Variants in HS1BP3 observed in about 807,000 individuals in gnomAD.
HS1BP3 encodes the protein HCLS1-binding protein 3.
HS1BP3 carries 32 observed loss-of-function variants against 33.5 expected under a neutral mutation model. The ratio of observed to expected loss-of-function variants is 0.95; its 90% CI spans 0.72 to 1.28. The LOEUF (loss-of-function observed/expected upper bound fraction) is 1.28. Ranked by LOEUF, HS1BP3 falls within the 50% of genes most tolerant of loss-of-function variation. The pLI, the probability that HS1BP3 is intolerant of heterozygous loss-of-function variation, is 0.00. For synonymous variants in HS1BP3, 187 were observed against 209.2 expected (o/e 0.89, Z 0.92); for missense variants, 486 against 502.3 (o/e 0.97, Z 0.31).
At chr2:20,615,864 G>A (rs1694412843), downstream of HS1BP3, among the ~76,000 whole-genome samples, 1 of 152,204 alleles carries the variant, frequency 6.6e-6, no homozygotes. Flanking sequence ...GGCACATGGA[G>A]GTGAACTTAG....
intron 4 of HS1BP3, among the ~76,000 whole-genome samples, chr2:20,629,015 C>T (rs59961647): frequency 0.01 from 1,587 of 152,194 alleles, 39 homozygotes; most frequent in African/African-American, 0.037. Context: ...AGGAGAGCAG[C>T]GGTGGTGCGA....
At chr2:20,646,301 A>G (rs779419843) in intron 1 of HS1BP3, among the ~76,000 whole-genome samples, 2 of 152,134 alleles carry the variant, frequency 1.3e-5, no homozygotes, top group African/African-American at 2.4e-5. Flanking sequence ...AGCAGCTCTG[A>G]CCATCGAGGT....
At chr2:20,599,084 G>A (rs917448864) in intron 2 of HS1BP3, among the ~76,000 whole-genome samples, 3 of 152,232 alleles carry the variant, frequency 2.0e-5, no homozygotes, top group African/African-American at 7.2e-5. Flanking sequence ...CCGCCCCTGG[G>A]GGCCTGTAGC....
At chr2:20,637,267 G>A (rs915120361) in intron 4 of HS1BP3, 1 of 152,266 alleles carries the variant, frequency 6.6e-6, no homozygotes, top group Non-Finnish European at 1.5e-5. Flanking sequence ...CAGAGAATGT[G>A]AGTTCAAACA....
intron 2 of HS1BP3, among the ~76,000 whole-genome samples, chr2:20,602,846 C>T (rs149152424): frequency 9.2e-5 from 14 of 152,220 alleles, no homozygotes; most frequent in African/African-American, 2.2e-4. Flanking sequence ...TAAGGTTTAT[C>T]GGGAATACAT....
chr2:20,621,344 G>T (rs752490699), intron 6 of HS1BP3, among the ~76,000 whole-genome samples: 9 of 152,264 alleles, frequency 5.9e-5, no homozygotes, highest in Non-Finnish European at 8.8e-5. Context: ...CCCAGAGAGA[G>T]AATTCAGAGT....
chr2:20,627,075 C>T (rs1694808461), intron 4 of HS1BP3, among the ~76,000 whole-genome samples: 1 of 152,248 alleles, frequency 6.6e-6, no homozygotes, highest in African/African-American at 2.4e-5. Context: ...GCCAGGCTCG[C>T]AGCCACTGTT....
At chr2:20,570,722 G>A (rs1693246086) in intron 5 of HS1BP3, among the ~76,000 whole-genome samples, 1 of 152,236 alleles carries the variant, frequency 6.6e-6, no homozygotes, top group Admixed American at 6.5e-5. Context: ...TGCTAGGGGA[G>A]GAGGAGAAGA....
intron 3 of HS1BP3, chr2:20,640,629 T>G: frequency 4.0e-6 from 2 of 497,368 alleles, no homozygotes; most frequent in Non-Finnish European, 3.6e-6. Flanking sequence ...GAGGGGAGTG[T>G]GGGGTGTGTG....
At chr2:20,594,089 G>A (rs113674491) in intron 3 of HS1BP3, among the ~76,000 whole-genome samples, 8,687 of 152,310 alleles carry the variant, frequency 0.057, 228 homozygotes, top group South Asian at 0.072. Flanking sequence ...ACCCATCGGG[G>A]ATGGCTACAA....
chr2:20,643,087 G>C (rs550959222), intron 2 of HS1BP3, among the ~76,000 whole-genome samples: 2 of 152,206 alleles, frequency 1.3e-5, no homozygotes, highest in Admixed American at 6.5e-5. Context: ...GAGACTTCAG[G>C]CTTGGGGGTA....
At chr2:20,591,445 G>A (rs965092222), downstream of HS1BP3, among the ~76,000 whole-genome samples, 4 of 152,154 alleles carry the variant, frequency 2.6e-5, no homozygotes, top group Non-Finnish European at 4.4e-5. Context: ...ACAAGCACTC[G>A]GATTCTGGGA....
At chr2:20,588,459 G>A (rs1693733725), downstream of HS1BP3, among the ~76,000 whole-genome samples, 2 of 152,130 alleles carry the variant, frequency 1.3e-5, no homozygotes, top group Non-Finnish European at 2.9e-5. Flanking sequence ...TGGATTACGG[G>A]CACCAGCCAC....
At chr2:20,570,214 C>T (rs1693233559) in intron 5 of HS1BP3, among the ~76,000 whole-genome samples, 1 of 152,202 alleles carries the variant, frequency 6.6e-6, no homozygotes, top group African/African-American at 2.4e-5. Flanking sequence ...GGCTGGGACA[C>T]CAGAATATGG....
At chr2:20,641,787 A>C (rs1695358328) in intron 2 of HS1BP3, among the ~76,000 whole-genome samples, 1 of 152,230 alleles carries the variant, frequency 6.6e-6, no homozygotes, top group African/African-American at 2.4e-5. Context: ...CAGAGAGGGC[A>C]GCACTCAGCT....
At chr2:20,610,879 G>T (rs951777617) in intron 2 of HS1BP3, among the ~76,000 whole-genome samples, 3 of 152,192 alleles carry the variant, frequency 2.0e-5, no homozygotes, top group Non-Finnish European at 4.4e-5. Flanking sequence ...TTTGGTGAAC[G>T]TTTATAGTCA....
chr2:20,593,150 C>T (rs75636487), intron 3 of HS1BP3, among the ~76,000 whole-genome samples: 8,218 of 151,792 alleles, frequency 0.054, 372 homozygotes, highest in African/African-American at 0.13. Flanking sequence ...TGGCCTTTCC[C>T]CCAGGGTCCA....
chr2:20,593,512 A>T (rs1693869747), intron 3 of HS1BP3, among the ~76,000 whole-genome samples: 1 of 152,128 alleles, frequency 6.6e-6, no homozygotes, highest in Admixed American at 6.5e-5. Context: ...GCCTTTGTAG[A>T]CACCCCCAGA....
rs142665868 is a variant in HS1BP3, at chr2:20,624,785, G to C, written c.731C>G (p.Pro244Arg). Reference protein sequence around the residue: ...EVDPDEGLFGPGRKLSPQDPS... With the variant: ...EVDPDEGLFGRGRKLSPQDPS... ...GTCCTGTGGAGACAGCTTCCTGCCC[G>C]GGCCAAAGAGCCCCTCATCAGGGTC... The change falls in exon 5 of 7, where the codon CCG (proline) becomes CGG (arginine). Residue 244 changes from proline (P) to arginine (R), a missense_variant. Coordinates refer to ENST00000304031, the MANE Select transcript of HS1BP3 (RefSeq NM_022460.4). 4 of 1,613,070 alleles carry C rather than the reference G, an allele frequency of 2.5e-6. No individual in the cohort carries two copies. In the East Asian group the frequency reaches 8.9e-5, roughly 36 times the overall value.
Sources: gnomAD v4.1 joint callset for allele counts (sites outside exome capture counted in the v4.1 genomes callset) on GRCh38, gnomAD v4.1.1 for gene constraint, MANE v1.5 for transcripts, NCBI Gene and HGNC (gene_info 2026-07-23, HGNC 2026-07-21) for gene names.